USP50: variants seen among roughly 807,000 people sequenced by gnomAD.
The protein encoded by USP50 is ubiquitin carboxyl-terminal hydrolase 50.
In USP50, 37 loss-of-function variants were observed where a neutral mutation model predicts 39.2. The ratio of observed to expected loss-of-function variants is 0.94; its 90% CI spans 0.73 to 1.24. The LOEUF (loss-of-function observed/expected upper bound fraction) is 1.24, where lower values mean the gene tolerates loss of function less well. Among genes scored for constraint, USP50 ranks in the 50% most tolerant of loss-of-function variants. The pLI, the probability that USP50 is intolerant of heterozygous loss-of-function variation, is 0.00. For missense variants in USP50, 374 were observed against 398.2 expected (o/e 0.94, Z 0.52); for synonymous variants, 139 against 144.5 (o/e 0.96, Z 0.27).
intron 6 of USP50, chr15:50,509,841 G>A (rs1459622545): frequency 6.6e-6 from 1 of 151,972 alleles, no homozygotes; most frequent in Non-Finnish European, 1.5e-5. Context: ...TGACTGAAGA[G>A]AAATACATGG....
chr15:50,515,268 G>A lies in USP50; in HGVS notation c.937-14431C>T, dbSNP rs528577217. On this transcript the variant is annotated intron_variant, in intron 6 of 6. Transcript: ENST00000532404. ...TTGTTGTTGTTGTTTTTGAGACGGA[G>A]TCTTGCTCTGTCGCCCAGGCTGGAG... is the stretch of plus-strand genomic sequence containing the variant. 2.0e-5 allele frequency among the ~76,000 whole-genome samples: 3 copies of A among 152,186 alleles called. No individual in the cohort carries two copies. The South Asian group carries it at 6.2e-4, about 32-fold the overall frequency.
rs60073047 is a variant in USP50, at chr15:50,543,676, T to C, written c.366A>G (p.Ala122=). ...FWSALGNLYP[A]FTKKMQQDAQ... is the part of the protein sequence containing the mutation. Reference sequence around the variant, plus strand: ...CATCTTGTTGCATCTTTTTCGTAAATGCTGGGTAGAGGTTGCCAAGAGCTG... The same window carrying C: ...CATCTTGTTGCATCTTTTTCGTAAACGCTGGGTAGAGGTTGCCAAGAGCTG... The change falls in exon 3 of 7, where the codon GCA becomes GCG. Residue 122 remains alanine (A), a synonymous_variant. Coordinates refer to ENST00000532404, the MANE Select transcript of USP50 (RefSeq NM_203494.5). 5,086 of 1,613,460 alleles carry C rather than the reference T, an allele frequency of 3.2e-3. 149 individuals are homozygous for C. In the African/African-American group the frequency reaches 0.058, roughly 18 times the overall value.
chr15:50,541,209 C>T lies in USP50; in HGVS notation c.500G>A (p.Arg167Lys). 1.9e-6 allele frequency: 3 copies of T among 1,613,930 alleles called. No individual in the cohort carries two copies. Among genetic ancestry groups the T allele is most frequent in the Non-Finnish European group, 2.5e-6 (3 of 1,179,880 alleles). The change falls in exon 4 of 7, where the codon AGG (arginine) becomes AAG (lysine). Residue 167 changes from arginine to lysine, a missense_variant. Coordinates refer to ENST00000532404, the MANE Select transcript of USP50 (RefSeq NM_203494.5). Reference protein sequence around the residue: ...YEKGSTQRCCRKWITTETSII... With the variant: ...YEKGSTQRCCKKWITTETSII... ...GGATGTCTCAGTGGTAATCCACTTCCTGCAGCATCTCTGAGTAGATCCTTT... is the reference window on the plus strand; with the variant it reads ...GGATGTCTCAGTGGTAATCCACTTCTTGCAGCATCTCTGAGTAGATCCTTT...
chr15:50,530,387 G>C (rs2052930769), intron 5 of USP50, among the ~76,000 whole-genome samples: 1 of 151,992 alleles, frequency 6.6e-6, no homozygotes, highest in African/African-American at 2.4e-5. Context: ...GTTAGAACCA[G>C]CTTGGCCAAT....
chr15:50,498,390 A>G (rs1595996444), downstream of USP50: 3 of 579,336 alleles, frequency 5.2e-6, no homozygotes, highest in East Asian at 9.4e-5. Flanking sequence ...TAGGCACATC[A>G]TTAAATATCC....
chr15:50,496,480 TAAA>T (rs35899607), downstream of USP50, among the ~76,000 whole-genome samples: 22 of 116,494 alleles, frequency 1.9e-4, no homozygotes, highest in African/African-American at 3.0e-4. Flanking sequence ...GACTCCGTCT[TAAA>T]AAAAAAAAAA....
chr15:50,532,586 G>T (rs772010824), intron 5 of USP50, among the ~76,000 whole-genome samples: 2 of 152,002 alleles, frequency 1.3e-5, no homozygotes, highest in Non-Finnish European at 2.9e-5. Context: ...CATCATATCT[G>T]GCTATCAGGA....
intron 5 of USP50, among the ~76,000 whole-genome samples, chr15:50,532,587 G>A (rs1190060622): frequency 6.6e-6 from 1 of 151,994 alleles, no homozygotes; most frequent in Non-Finnish European, 1.5e-5. Context: ...ATCATATCTG[G>A]CTATCAGGAA....
chr15:50,501,431 A>AC (rs1211003353), intron 6 of USP50: 1 of 151,344 alleles, frequency 6.6e-6, no homozygotes, highest in Non-Finnish European at 1.5e-5. Flanking sequence ...CCGTGATTGT[A>AC]CCACTGCACT....
intron 3 of USP50, among the ~76,000 whole-genome samples, chr15:50,542,635 C>T (rs1449382364): frequency 1.3e-5 from 2 of 151,862 alleles, no homozygotes; most frequent in Non-Finnish European, 2.9e-5. Context: ...ACTGCAGGCT[C>T]CTGCCACCAC....
intron 6 of USP50, among the ~76,000 whole-genome samples, chr15:50,522,889 C>T (rs2414051): frequency 6.6e-6 from 1 of 152,044 alleles, no homozygotes; most frequent in Non-Finnish European, 1.5e-5. Context: ...CTCAAGTGAT[C>T]CACTTGCCTC....
intron 6 of USP50, chr15:50,509,412 C>T (rs2052709651): frequency 6.6e-6 from 1 of 152,114 alleles, no homozygotes; most frequent in African/African-American, 2.4e-5. Flanking sequence ...CTTTGGAAGG[C>T]TGAGGCAGGC....
chr15:50,508,140 C>T (rs2052689339), intron 6 of USP50: 1 of 143,962 alleles, frequency 6.9e-6, no homozygotes, highest in African/African-American at 2.6e-5. Context: ...ATACAATTAG[C>T]AGTCAATACA....
At chr15:50,494,003 T>C (rs1381594491), downstream of USP50, 5 of 1,541,204 alleles carry the variant, frequency 3.2e-6, no homozygotes, top group Non-Finnish European at 4.5e-6. Context: ...ACATCAAGAA[T>C]CTACTGTACC....
At chr15:50,505,667 A>G (rs1232084923) in intron 6 of USP50, 3 of 152,266 alleles carry the variant, frequency 2.0e-5, no homozygotes, top group African/African-American at 2.4e-5. Flanking sequence ...ATATTAAAAA[A>G]TTAAAAACCG....
intron 6 of USP50, chr15:50,501,769 G>A (rs2052592570): frequency 6.6e-6 from 1 of 152,138 alleles, no homozygotes; most frequent in South Asian, 2.1e-4. Flanking sequence ...AGCAAACCAC[G>A]GCCCGTGGGT....
intron 5 of USP50, among the ~76,000 whole-genome samples, chr15:50,530,726 A>G (rs1395804824): frequency 6.6e-6 from 1 of 152,238 alleles, no homozygotes; most frequent in Admixed American, 6.5e-5. Context: ...AAGGAGTGAG[A>G]TAGCAAAGAT....
At chr15:50,497,398 C>T (rs2052458911), downstream of USP50, 2 of 725,098 alleles carry the variant, frequency 2.8e-6, no homozygotes, top group Non-Finnish European at 4.0e-6. Context: ...TGTTAGTTCA[C>T]CTCAGTGTTT....
intron 1 of USP50, among the ~76,000 whole-genome samples, chr15:50,495,391 A>G (rs1238079920): frequency 6.6e-6 from 1 of 151,652 alleles, no homozygotes; most frequent in South Asian, 2.1e-4. Context: ...ACAAAATTAT[A>G]TATGTCCAGT....
Sources: gnomAD v4.1 joint callset for allele counts (sites outside exome capture counted in the v4.1 genomes callset) on GRCh38, gnomAD v4.1.1 for gene constraint, MANE v1.5 for transcripts, NCBI Gene and HGNC (gene_info 2026-07-23, HGNC 2026-07-21) for gene names.